LINGO2: variants seen among roughly 807,000 people sequenced by gnomAD.
LINGO2 encodes the protein leucine rich repeat and Ig domain containing 2.
LINGO2 carries 14 observed loss-of-function variants against 30.6 expected under a neutral mutation model. The ratio of observed to expected loss-of-function variants is 0.46; its 90% CI spans 0.30 to 0.72. The LOEUF is 0.72. Ranked by LOEUF, LINGO2 falls within the 30% of genes least tolerant of loss-of-function variation. LINGO2 has a pLI of 0.07. For missense variants in LINGO2, 729 were observed against 751.7 expected, an observed-to-expected ratio of 0.97 and a Z score of 0.35; for synonymous variants, 317 against 288.5, an observed-to-expected ratio of 1.10 and a Z score of -1.00.
chr9:29,212,952 C>G, the LINGO2 span, among the ~76,000 whole-genome samples: 1 of 152,212 alleles, frequency 6.6e-6, no homozygotes, highest in African/African-American at 2.4e-5. Context: ...CCTTCGTGTC[C>G]TTAAAATCCC....
chr9:28,474,560 C>T (rs1019159222), intron 2 of LINGO2, among the ~76,000 whole-genome samples: 2 of 152,102 alleles, frequency 1.3e-5, no homozygotes, highest in Non-Finnish European at 2.9e-5. Context: ...TCATACTACT[C>T]TTTTATAATT....
At chr9:28,263,022 G>C (rs1478923115) in intron 4 of LINGO2, among the ~76,000 whole-genome samples, 6 of 151,956 alleles carry the variant, frequency 3.9e-5, no homozygotes, top group Non-Finnish European at 5.9e-5. Flanking sequence ...AGCCTAGCTG[G>C]GTTCCCGTCT....
the LINGO2 span, among the ~76,000 whole-genome samples, chr9:29,211,578 C>CTT: frequency 1.4e-5 from 2 of 139,318 alleles, no homozygotes; most frequent in African/African-American, 5.1e-5. Context: ...CTTCTCTTCT[C>CTT]TTCTCTCTCT....
At chr9:28,280,405 T>C (rs577679895) in intron 4 of LINGO2, among the ~76,000 whole-genome samples, 27 of 152,110 alleles carry the variant, frequency 1.8e-4, no homozygotes, top group African/African-American at 5.5e-4. Flanking sequence ...TGAAAAGAAA[T>C]TGAAGAATGT....
intron 1 of LINGO2, among the ~76,000 whole-genome samples, chr9:28,543,713 T>C (rs1315473141): frequency 6.6e-6 from 1 of 152,108 alleles, no homozygotes; most frequent in Admixed American, 6.5e-5. Flanking sequence ...TGAAAGATTG[T>C]AGAACATTCA....
chr9:28,878,852 G>C, the LINGO2 span, among the ~76,000 whole-genome samples: 1 of 151,972 alleles, frequency 6.6e-6, no homozygotes, highest in Non-Finnish European at 1.5e-5. Context: ...AATAATAAGG[G>C]CTATCTATGA....
At chr9:28,274,398 A>G (rs551493755) in intron 4 of LINGO2, among the ~76,000 whole-genome samples, 2 of 152,300 alleles carry the variant, frequency 1.3e-5, no homozygotes, top group South Asian at 4.1e-4. Context: ...AACTGACATC[A>G]AGATATATTT....
At chr9:28,495,631 A>G (rs1163108844) in intron 1 of LINGO2, among the ~76,000 whole-genome samples, 1 of 152,004 alleles carries the variant, frequency 6.6e-6, no homozygotes. Flanking sequence ...CTTGTAGTAT[A>G]GTTTGAAGTC....
In LINGO2 at chr9:28,130,811, A is replaced by G. The variant is rs1264678353; in HGVS notation, c.-86-118406T>C. On this transcript the variant is annotated intron_variant, in intron 4 of 5. Coordinates refer to ENST00000379992, the Ensembl canonical transcript of LINGO2. The surrounding 1 kb of genome is among the most constrained non-coding windows in gnomAD (Gnocchi z 5.2). The stretch of plus-strand genomic sequence containing the variant: ...GGAAAAAGATTAGATTCTGAGAAGT[A>G]GTACAGTTTGGCTACAGAAGGAAGT... Among the ~76,000 whole-genome samples, 1 of 152,156 alleles carries G rather than the reference A, an allele frequency of 6.6e-6. No individual in the cohort carries two copies. Among genetic ancestry groups the G allele is most frequent in the East Asian group, 1.9e-4 (1 of 5,192 alleles).
chr9:28,315,401 C>T (rs550699385), intron 3 of LINGO2, among the ~76,000 whole-genome samples: 4 of 128,024 alleles, frequency 3.1e-5, no homozygotes, highest in East Asian at 4.3e-4. Context: ...GACTCCGTCT[C>T]GGGGAAAAAA....
the LINGO2 span, among the ~76,000 whole-genome samples, chr9:28,994,521 T>C: frequency 6.6e-6 from 1 of 151,130 alleles, no homozygotes; most frequent in South Asian, 2.1e-4. Context: ...AAAACTACTT[T>C]AAAGTTCATA....
intron 1 of LINGO2, among the ~76,000 whole-genome samples, chr9:28,608,695 A>G (rs910707749): frequency 6.6e-6 from 1 of 151,956 alleles, no homozygotes; most frequent in Non-Finnish European, 1.5e-5. Context: ...TTTGTTCTAC[A>G]TTCCTTAAGC....
chr9:29,098,685 C>A, the LINGO2 span, among the ~76,000 whole-genome samples: 1 of 152,030 alleles, frequency 6.6e-6, no homozygotes, highest in Admixed American at 6.6e-5. Flanking sequence ...CATGTAAGAA[C>A]TTATAATTCA....
At position 28,655,166 on chromosome 9, in the gene LINGO2, A is replaced by C. The variant is rs137992031; in HGVS notation, c.-365+15034T>G. ...TTTCAGAAGAGTTGATCGTTTTATA[A>C]GGGACTTCCTTCTTCACTGGGAACT... is the stretch of plus-strand genomic sequence containing the variant. On this transcript the variant is annotated intron_variant, in intron 1 of 5. Coordinates refer to ENST00000379992, the Ensembl canonical transcript of LINGO2. Among the ~76,000 whole-genome samples the C allele has an allele frequency of 7.2e-5, 11 of 152,132 alleles. No individual in the cohort carries two copies. In the East Asian group the frequency reaches 2.1e-3, roughly 29 times the overall value.
chr9:28,709,604 G>A, the LINGO2 span, among the ~76,000 whole-genome samples: 2 of 152,014 alleles, frequency 1.3e-5, no homozygotes, highest in Non-Finnish European at 2.9e-5. Flanking sequence ...ATGTCAGGAA[G>A]TATTAGTACA....
chr9:28,104,262 G>GTTTTTTTTTTTT (rs1364642044), intron 4 of LINGO2, among the ~76,000 whole-genome samples: 4 of 55,806 alleles, frequency 7.2e-5, no homozygotes, highest in Admixed American at 2.2e-4. Flanking sequence ...CAAGTTTTTT[G>GTTTTTTTTTTTT]TTTGTTTTTT....
chr9:28,844,230 C>A, the LINGO2 span, among the ~76,000 whole-genome samples: 2 of 151,740 alleles, frequency 1.3e-5, no homozygotes, highest in African/African-American at 4.9e-5. Context: ...GGCATGGCGG[C>A]GCACACCTGT....
intron 2 of LINGO2, among the ~76,000 whole-genome samples, chr9:28,401,554 G>T (rs1822265924): frequency 6.6e-6 from 1 of 152,054 alleles, no homozygotes; most frequent in South Asian, 2.1e-4. Flanking sequence ...ATTTGGGTTG[G>T]TTCCATGTCT....
At chr9:28,692,583 G>T in the LINGO2 span, among the ~76,000 whole-genome samples, 37 of 152,224 alleles carry the variant, frequency 2.4e-4, no homozygotes, top group Non-Finnish European at 2.6e-4. Flanking sequence ...CCTATATGTT[G>T]TCAAATACAG....
Sources: allele counts gnomAD v4.1 joint callset (sites outside exome capture counted in the v4.1 genomes callset), GRCh38; gene constraint gnomAD v4.1.1; non-coding constraint Gnocchi (gnomAD v3.1); transcripts MANE v1.5; gene names NCBI Gene and HGNC (gene_info 2026-07-23, HGNC 2026-07-21).